Variants in SLC35B4 observed in about 807,000 individuals in gnomAD.
The protein encoded by SLC35B4 is nucleotide sugar transporter SLC35B4.
A neutral mutation model predicts 39.5 loss-of-function variants in SLC35B4; 28 were observed. The ratio of observed to expected loss-of-function variants is 0.71; its 90% CI spans 0.53 to 0.97. The LOEUF (loss-of-function observed/expected upper bound fraction) is 0.97, where lower values mean the gene tolerates loss of function less well. Ranked by LOEUF, SLC35B4 falls within the 50% of genes least tolerant of loss-of-function variation. SLC35B4 has a pLI of 0.00. For synonymous variants in SLC35B4, 145 were observed against 150.4 expected (o/e 0.96, Z 0.26); for missense variants, 334 against 414.3 (o/e 0.81, Z 1.68).
chr7:134,301,969 G>A (rs924752822), intron 5 of SLC35B4, 60 bp downstream of exon 5: 42 of 1,550,646 alleles, frequency 2.7e-5, no homozygotes, highest in Non-Finnish European at 3.6e-5. Flanking sequence ...TGTATTAATT[G>A]CCTGGTAACT....
rs149486860 is a variant in SLC35B4, at chr7:134,297,784, C to G, written c.674-1318G>C. 5.2e-3 allele frequency among the ~76,000 whole-genome samples: 797 copies of G among 152,270 alleles called. 5 individuals carry two copies. The highest frequency in any genetic ancestry group is 0.017 in the Middle Eastern group (5 of 294). ...GGAGTAGTGGCTCACGCCTGTAATC[C>G]TAGCACTTTGGGAGGCCAAGGCAGG... On this transcript the variant is annotated intron_variant, in intron 8 of 9. Transcript: ENST00000378509.
At chr7:134,307,214 C>T (rs958790453) in intron 2 of SLC35B4, among the ~76,000 whole-genome samples, 3 of 152,148 alleles carry the variant, frequency 2.0e-5, no homozygotes, top group East Asian at 1.9e-4. Flanking sequence ...AAAATTCTCC[C>T]GCATTCTGAA....
intron 2 of SLC35B4, among the ~76,000 whole-genome samples, chr7:134,307,936 A>G (rs1190004830): frequency 1.3e-5 from 2 of 152,160 alleles, no homozygotes; most frequent in Non-Finnish European, 2.9e-5. Flanking sequence ...TTCTTGCCAA[A>G]TTTTCTTAGT....
chr7:134,309,218 A>C (rs1363287342), intron 2 of SLC35B4, 148 bp downstream of exon 2: 1 of 571,004 alleles, frequency 1.8e-6, no homozygotes, highest in Non-Finnish European at 3.0e-6. Context: ...TTTTCACAAC[A>C]TATTAAATTC....
intron 4 of SLC35B4, among the ~76,000 whole-genome samples, 169 bp downstream of exon 4, chr7:134,304,636 C>T (rs1200045358): frequency 2.0e-5 from 3 of 151,890 alleles, no homozygotes; most frequent in Non-Finnish European, 2.9e-5. Context: ...TGATCAGCTG[C>T]TTCAGGACAT....
rs747829124 is a variant in SLC35B4 at position 134,316,756 on chromosome 7, G to C, written c.-5C>G. 10 of 1,547,594 alleles carry C rather than the reference G, an allele frequency of 6.5e-6. No individual in the cohort carries two copies. The African/African-American group carries it at 1.2e-4, about 19-fold the overall frequency. ...CACCGCCAAGGCCGGGCGCATGGCC[G>C]GTGCAGGGTTGGGGAAGCAAGCGCA... On this transcript the variant is annotated 5_prime_UTR_variant, in exon 1 of 10. Coordinates refer to ENST00000378509, the MANE Select transcript of SLC35B4 (RefSeq NM_032826.5).
At chr7:134,301,896 T>C (rs755369331) in intron 5 of SLC35B4, 75 bp from the exon 6 acceptor site, 36 of 1,495,584 alleles carry the variant, frequency 2.4e-5, no homozygotes, top group Admixed American at 5.1e-5. Context: ...GGGAAACATT[T>C]ATGTTACCCA....
At chr7:134,312,959 T>A (rs1803879631) in intron 1 of SLC35B4, among the ~76,000 whole-genome samples, 1 of 152,192 alleles carries the variant, frequency 6.6e-6, no homozygotes, top group South Asian at 2.1e-4. Flanking sequence ...CCATTTTGAG[T>A]CACTTTCCAT....
At chr7:134,310,973 T>C (rs1319017687) in intron 1 of SLC35B4, among the ~76,000 whole-genome samples, 2 of 152,222 alleles carry the variant, frequency 1.3e-5, no homozygotes, top group African/African-American at 2.4e-5. Flanking sequence ...ATTAGTATTA[T>C]ACAGCAATGC....
In SLC35B4 at chr7:134,316,862, G is replaced by A. The variant is rs1345700442; in HGVS notation, c.-111C>T. 8.9e-6 allele frequency: 10 copies of A among 1,121,316 alleles called. No homozygotes were observed. The highest frequency in any genetic ancestry group is 1.3e-5 in the Non-Finnish European group (10 of 787,346). The allele number at this position is 1,121,316 out of a possible 1,614,324, so 69.5% of individuals were successfully genotyped here. ...GCTGCGCAGCACATCGCACCGTCCT[G>A]GAAAGCCGCTCTCACTGGGGGCCGC... On this transcript the variant is annotated 5_prime_UTR_variant, in exon 1 of 10. Transcript: ENST00000378509.
intron 3 of SLC35B4, among the ~76,000 whole-genome samples, chr7:134,305,362 T>G (rs432487): frequency 0.48 from 73,201 of 151,344 alleles, 18,034 homozygotes; most frequent in Admixed American, 0.55. Context: ...TTAAAAAACC[T>G]TTTAAAGATG....
chr7:134,310,417 C>T (rs1341590454), intron 1 of SLC35B4, among the ~76,000 whole-genome samples: 2 of 152,200 alleles, frequency 1.3e-5, no homozygotes. Flanking sequence ...TTTTCTTGAG[C>T]TTGTCTTCCA....
At chr7:134,310,433 C>T (rs1803806980) in intron 1 of SLC35B4, among the ~76,000 whole-genome samples, 1 of 152,202 alleles carries the variant, frequency 6.6e-6, no homozygotes, top group Admixed American at 6.5e-5. Context: ...TTCCATTCAG[C>T]TCTGCTCAAT....
upstream of SLC35B4, among the ~76,000 whole-genome samples, chr7:134,320,157 A>G (rs1804069584): frequency 6.6e-6 from 1 of 152,206 alleles, no homozygotes; most frequent in African/African-American, 2.4e-5. Flanking sequence ...TTTCTCACTC[A>G]GGTTCTGTGT....
chr7:134,301,785 G>A lies in SLC35B4; in HGVS notation c.463C>T (p.Gln155Ter). ...CCTAGTAACCACCACACAAATGCCT[G>A]GAATCCATCATTCTCACTCAAGCTG... ...QSSLSENDGFQAFVWWLLGIG... is the reference protein window; with the variant it reads ...QSSLSENDGF Residue 155 changes from glutamine to a stop codon, truncating the protein, a stop_gained, in exon 6 of 10, where the codon CAG becomes TAG. Coordinates refer to ENST00000378509, the MANE Select transcript of SLC35B4 (RefSeq NM_032826.5). LOFTEE classifies it high-confidence loss of function. 6.2e-7 allele frequency: 1 copy of A among 1,613,910 alleles called. No homozygotes were observed. The highest frequency in any genetic ancestry group is 8.5e-7 in the Non-Finnish European group (1 of 1,179,922).
In SLC35B4 at chr7:134,289,343, A is replaced by C. The variant is rs1171913387; in HGVS notation, c.*5490T>G. On this transcript the variant is annotated 3_prime_UTR_variant, in exon 10 of 10. Transcript: ENST00000378509. ...GGCAAAAAGACTCATTCAGTTTGGC[A>C]AAACATTTTATTCACAAAATCTCCC... The C allele has an allele frequency of 6.5e-6, 1 of 152,688 alleles. No individual in the cohort carries two copies. The highest frequency in any genetic ancestry group is 1.5e-5 in the Non-Finnish European group (1 of 68,050). 9.5% of individuals were successfully genotyped at this position (152,688 alleles called of 1,614,324 possible). A position where few individuals can be genotyped will look rare whatever the true frequency, so the allele number is the denominator to read the frequency against.
At chr7:134,298,208 G>C (rs539786213) in intron 8 of SLC35B4, among the ~76,000 whole-genome samples, 1 of 151,958 alleles carries the variant, frequency 6.6e-6, no homozygotes, top group Non-Finnish European at 1.5e-5. Flanking sequence ...CCAATAATCT[G>C]GTATTCTATT....
At chr7:134,308,578 G>C (rs963181679) in intron 2 of SLC35B4, among the ~76,000 whole-genome samples, 1 of 152,206 alleles carries the variant, frequency 6.6e-6, no homozygotes, top group Non-Finnish European at 1.5e-5. Context: ...GGCTACGTAA[G>C]AATGCTGCAA....
chr7:134,306,304 T>G (rs1442331832), intron 3 of SLC35B4, among the ~76,000 whole-genome samples: 1 of 151,128 alleles, frequency 6.6e-6, no homozygotes, highest in Non-Finnish European at 1.5e-5. Context: ...TTTCATGTTC[T>G]AGAAGTAAAT....
Sources: allele counts gnomAD v4.1 joint callset (sites outside exome capture counted in the v4.1 genomes callset), GRCh38; gene constraint gnomAD v4.1.1; transcripts MANE v1.5; gene names NCBI Gene and HGNC (gene_info 2026-07-23, HGNC 2026-07-21).